Variants in TTC29 observed in about 807,000 individuals in gnomAD.
TTC29 encodes tetratricopeptide repeat protein 29.
TTC29 carries 49 observed loss-of-function variants against 58.1 expected under a neutral mutation model. The observed-to-expected ratio is 0.84, with a 90% confidence interval of 0.67 to 1.07. The LOEUF (loss-of-function observed/expected upper bound fraction) is 1.07, where lower values mean the gene tolerates loss of function less well. Among genes scored for constraint, TTC29 ranks in the 50% least tolerant of loss-of-function variants. The probability of loss-of-function intolerance (pLI) is 0.00; values close to 1 mark genes in which losing one functional copy is unlikely to be tolerated. For missense variants in TTC29, 582 were observed against 555.6 expected (o/e 1.05, Z -0.48); for synonymous variants, 209 against 196.8 (o/e 1.06, Z -0.52).
At chr4:146,737,612 G>C (rs546992514) in intron 11 of TTC29, among the ~76,000 whole-genome samples, 1 of 143,446 alleles carries the variant, frequency 7.0e-6, no homozygotes, top group Non-Finnish European at 1.5e-5. Flanking sequence ...GGCTACAAAC[G>C]GGTCTTGACA....
intron 6 of TTC29, among the ~76,000 whole-genome samples, chr4:146,877,797 A>T (rs1340708841): frequency 6.6e-6 from 1 of 152,310 alleles, no homozygotes; most frequent in East Asian, 1.9e-4. Flanking sequence ...TCCAGAATAG[A>T]TATGGATCAT....
At chr4:146,887,459 G>T (rs1732063608) in intron 6 of TTC29, among the ~76,000 whole-genome samples, 1 of 151,994 alleles carries the variant, frequency 6.6e-6, no homozygotes, top group South Asian at 2.1e-4. Context: ...TTTGTGTAGA[G>T]TATGATAGGG....
chr4:146,758,031 C>G (rs1746588627), intron 11 of TTC29, among the ~76,000 whole-genome samples: 2 of 152,030 alleles, frequency 1.3e-5, no homozygotes, highest in African/African-American at 4.8e-5. Context: ...AAATGCTGCA[C>G]TTAAAAGGTA....
At chr4:146,877,745 T>C (rs1731366763) in intron 6 of TTC29, among the ~76,000 whole-genome samples, 1 of 152,088 alleles carries the variant, frequency 6.6e-6, no homozygotes, top group Admixed American at 6.6e-5. Context: ...GCCATGTAAG[T>C]GGGGAGAAGG....
intron 6 of TTC29, among the ~76,000 whole-genome samples, chr4:146,881,339 T>C (rs552930000): frequency 6.6e-6 from 1 of 152,274 alleles, no homozygotes; most frequent in East Asian, 1.9e-4. Context: ...TCAGCAGCAC[T>C]GGTATAAGTC....
intron 11 of TTC29, among the ~76,000 whole-genome samples, chr4:146,719,222 G>C (rs533691313): frequency 1.3e-5 from 2 of 151,338 alleles, no homozygotes; most frequent in Non-Finnish European, 3.0e-5. Context: ...GTGTGTGTGT[G>C]TGTGTCTGTG....
chr4:146,743,118 T>C (rs1470095458), intron 11 of TTC29, among the ~76,000 whole-genome samples: 1 of 152,044 alleles, frequency 6.6e-6, no homozygotes, highest in Non-Finnish European at 1.5e-5. Flanking sequence ...GAAAAGACTT[T>C]AAATTTCATG....
intron 10 of TTC29, among the ~76,000 whole-genome samples, chr4:146,819,242 T>G (rs1751654692): frequency 6.6e-6 from 1 of 152,106 alleles, no homozygotes; most frequent in Non-Finnish European, 1.5e-5. Context: ...CCGAGGCACC[T>G]AGAAATTTAA....
Position 146,819,915 on chromosome 4 carries a change from T to C in TTC29, c.1101+210A>G, listed in dbSNP as rs137873732. On this transcript the variant is annotated intron_variant, in intron 10 of 12. Coordinates refer to ENST00000325106, the MANE Select transcript of TTC29 (RefSeq NM_031956.4). ...GCAGCTCATAAGGACTGTCCCCGCATGGCCCTAAGATATTGGAAAAGGAGA... is the reference window on the plus strand; with the variant it reads ...GCAGCTCATAAGGACTGTCCCCGCACGGCCCTAAGATATTGGAAAAGGAGA... 4.2e-3 allele frequency among the ~76,000 whole-genome samples: 634 copies of C among 152,300 alleles called. 9 individuals carry two copies. Among genetic ancestry groups the C allele is most frequent in the East Asian group, 0.033 (173 of 5,178 alleles).
chr4:146,749,044 G>A (rs1180263157), intron 11 of TTC29, among the ~76,000 whole-genome samples: 1 of 152,100 alleles, frequency 6.6e-6, no homozygotes, highest in East Asian at 1.9e-4. Context: ...TTGGCTGGAT[G>A]TGGTGGCTCA....
chr4:146,723,994 A>G (rs1743573413), intron 11 of TTC29, among the ~76,000 whole-genome samples: 1 of 152,192 alleles, frequency 6.6e-6, no homozygotes, highest in Non-Finnish European at 1.5e-5. Context: ...TCAATGGTGG[A>G]CCGAATAAAG....
chr4:146,880,036 T>C (rs1201714654), intron 6 of TTC29, among the ~76,000 whole-genome samples: 1 of 152,154 alleles, frequency 6.6e-6, no homozygotes, highest in African/African-American at 2.4e-5. Flanking sequence ...TGCATGGCTC[T>C]ATACCAAGCA....
At chr4:146,755,521 C>T (rs185126269) in intron 11 of TTC29, among the ~76,000 whole-genome samples, 1 of 151,994 alleles carries the variant, frequency 6.6e-6, no homozygotes, top group South Asian at 2.1e-4. Flanking sequence ...GTAGGATGAA[C>T]AAATTAGAGA....
chr4:146,845,993 C>A (rs1729145305), intron 8 of TTC29, among the ~76,000 whole-genome samples: 1 of 152,044 alleles, frequency 6.6e-6, no homozygotes, highest in African/African-American at 2.4e-5. Flanking sequence ...TTATGTTAAC[C>A]TTGAATATTG....
intron 9 of TTC29, among the ~76,000 whole-genome samples, chr4:146,830,785 G>T (rs932720370): frequency 6.6e-6 from 1 of 151,320 alleles, no homozygotes; most frequent in Non-Finnish European, 1.5e-5. Flanking sequence ...GTGGGTATGT[G>T]CATGTATGTA....
intron 10 of TTC29, among the ~76,000 whole-genome samples, chr4:146,815,451 T>C (rs1236084859): frequency 6.6e-6 from 1 of 152,092 alleles, no homozygotes; most frequent in Non-Finnish European, 1.5e-5. Flanking sequence ...ATTTGAAATA[T>C]GTTAGAAATC....
chr4:146,793,926 C>G (rs1436535742), intron 11 of TTC29, among the ~76,000 whole-genome samples: 2 of 152,080 alleles, frequency 1.3e-5, no homozygotes, highest in Admixed American at 1.3e-4. Context: ...AATGAGACAG[C>G]AGAAACAACT....
intron 4 of TTC29, among the ~76,000 whole-genome samples, chr4:146,932,375 A>G (rs527489586): frequency 6.6e-6 from 1 of 152,336 alleles, no homozygotes; most frequent in South Asian, 2.1e-4. Context: ...TAGAGAATTT[A>G]TTACTTTACC....
Position 146,937,628 on chromosome 4 carries a change from T to G in TTC29, c.142A>C (p.Asn48His). 1.9e-6 allele frequency: 3 copies of G among 1,538,644 alleles called. No individual in the cohort carries two copies. Among genetic ancestry groups the G allele is most frequent in the Non-Finnish European group, 2.6e-6 (3 of 1,138,610 alleles). The change falls in exon 4 of 13, where the codon AAT (asparagine) becomes CAT (histidine). Residue 48 changes from asparagine (N) to histidine (H), a missense_variant. Transcript: ENST00000325106. Reference sequence around the variant, plus strand: ...TCCTCTTTTGATAATCCTTTGAAATTTACCTCTAGATAATGATCTATGTCA... The same window carrying G: ...TCCTCTTTTGATAATCCTTTGAAATGTACCTCTAGATAATGATCTATGTCA... ...KDDIDHYLEVNFKGLSKEEVA... is the reference protein window; with the variant it reads ...KDDIDHYLEVHFKGLSKEEVA...
Sources: gnomAD v4.1 joint callset for allele counts (sites outside exome capture counted in the v4.1 genomes callset) on GRCh38, gnomAD v4.1.1 for gene constraint, MANE v1.5 for transcripts, NCBI Gene and HGNC (gene_info 2026-07-23, HGNC 2026-07-21) for gene names.